CELF5: variants seen among roughly 807,000 people sequenced by gnomAD.
CELF5 encodes CUGBP Elav-like family member 5.
A neutral mutation model predicts 54.9 loss-of-function variants in CELF5; 6 were observed. That is an observed-to-expected ratio of 0.11 (90% CI 0.06 to 0.22). The LOEUF (loss-of-function observed/expected upper bound fraction) is 0.22, where lower values mean the gene tolerates loss of function less well. CELF5 is among the 10% of genes least tolerant of loss of function. The pLI is 1.00. For synonymous variants in CELF5, 271 were observed against 290.9 expected (o/e 0.93, Z 0.70); for missense variants, 401 against 678.6 (o/e 0.59, Z 4.54).
intron 2 of CELF5, among the ~76,000 whole-genome samples, chr19:3,262,532 G>C (rs1022141658): frequency 4.6e-5 from 7 of 152,154 alleles, no homozygotes; most frequent in African/African-American, 1.7e-4. Context: ...TTCTAGACCA[G>C]AGAGGTCAAT....
intron 1 of CELF5, among the ~76,000 whole-genome samples, chr19:3,226,538 C>T (rs1156750277): frequency 6.6e-6 from 1 of 151,514 alleles, no homozygotes; most frequent in African/African-American, 2.4e-5. Flanking sequence ...GGCTCCCATG[C>T]GGCCCCCATA....
rs1452673224 is a variant in CELF5 at position 3,268,804 on chromosome 19, A to G, written c.343-5068A>G. Among the ~76,000 whole-genome samples the G allele has an allele frequency of 2.0e-5, 3 of 151,502 alleles. No homozygotes were observed. Among genetic ancestry groups the G allele is most frequent in the African/African-American group, 7.3e-5 (3 of 41,120 alleles). On this transcript the variant is annotated intron_variant, in intron 2 of 12. Transcript: ENST00000292672. The surrounding 1 kb of genome is among the most constrained non-coding windows in gnomAD (Gnocchi z 4.4). ...TGGGCAAGACAATGGAAGCAGATGG[A>G]GAGAGAGCACGGAAGACTTCAGGGA...
At chr19:3,280,200 G>A (rs576254206) in intron 5 of CELF5, among the ~76,000 whole-genome samples, 2 of 152,178 alleles carry the variant, frequency 1.3e-5, no homozygotes, top group East Asian at 1.9e-4. Context: ...GCAAAGCAGG[G>A]CCCCCAGTCC....
rs753745450 is a variant in CELF5, at chr19:3,281,030, G to C, written c.604-169G>C. Among the ~76,000 whole-genome samples the C allele has an allele frequency of 4.6e-5, 7 of 152,294 alleles. No homozygotes were observed. Among genetic ancestry groups the C allele is most frequent in the Middle Eastern group, 6.8e-3 (2 of 294 alleles). Reference sequence around the variant, plus strand: ...GGGCCCAGGATGCTGATCTCCACGCGGTCCTCGCTGTGGCCCTGGCTCCTG... The same window carrying C: ...GGGCCCAGGATGCTGATCTCCACGCCGTCCTCGCTGTGGCCCTGGCTCCTG... On this transcript the variant is annotated intron_variant, in intron 5 of 12. Transcript: ENST00000292672. The surrounding 1 kb of genome is among the most constrained non-coding windows in gnomAD (Gnocchi z 6.5).
intron 4 of CELF5, among the ~76,000 whole-genome samples, chr19:3,277,363 C>T (rs2080073194): frequency 6.6e-6 from 1 of 152,026 alleles, no homozygotes; most frequent in Non-Finnish European, 1.5e-5. Flanking sequence ...ATCCCAACTA[C>T]TCGGGAGGTT....
At chr19:3,247,995 C>T (rs2079591339) in intron 1 of CELF5, among the ~76,000 whole-genome samples, 1 of 151,730 alleles carries the variant, frequency 6.6e-6, no homozygotes, top group Non-Finnish European at 1.5e-5. Flanking sequence ...GAACTCCTGA[C>T]CTCAGATGAT....
At chr19:3,241,021 G>A (rs1423241226) in intron 1 of CELF5, among the ~76,000 whole-genome samples, 1 of 151,908 alleles carries the variant, frequency 6.6e-6, no homozygotes, top group Non-Finnish European at 1.5e-5. Flanking sequence ...TGGGTCTCGA[G>A]AGATTTGTGT....
chr19:3,263,715 G>A (rs1020015722), intron 2 of CELF5, among the ~76,000 whole-genome samples: 17 of 152,100 alleles, frequency 1.1e-4, no homozygotes, highest in Admixed American at 9.2e-4. Context: ...GACCAGCCTG[G>A]CCAACATAGT....
intron 2 of CELF5, among the ~76,000 whole-genome samples, chr19:3,257,508 T>C (rs974669194): frequency 6.6e-6 from 1 of 151,878 alleles, no homozygotes; most frequent in Admixed American, 6.6e-5. Context: ...CGAGTTTCAC[T>C]CTTGTTGCCC....
intron 1 of CELF5, among the ~76,000 whole-genome samples, chr19:3,236,077 C>T (rs926783401): frequency 2.6e-5 from 4 of 152,132 alleles, no homozygotes; most frequent in African/African-American, 9.7e-5. Flanking sequence ...TGAGGAGCCA[C>T]AGCCAGCAGG....
At chr19:3,262,721 G>T (rs1021694883) in intron 2 of CELF5, among the ~76,000 whole-genome samples, 19 of 151,060 alleles carry the variant, frequency 1.3e-4, no homozygotes, top group Admixed American at 3.3e-4. Flanking sequence ...GAGGCCGAGG[G>T]GGGTGGATCA....
At chr19:3,226,079 G>T (rs1475824870) in intron 1 of CELF5, among the ~76,000 whole-genome samples, 2 of 151,574 alleles carry the variant, frequency 1.3e-5, no homozygotes, top group Non-Finnish European at 2.9e-5. Flanking sequence ...CCGGTCAGGT[G>T]TTGGGGACTG....
intron 1 of CELF5, among the ~76,000 whole-genome samples, chr19:3,238,023 T>C (rs530556257): frequency 3.0e-4 from 45 of 151,130 alleles, no homozygotes; most frequent in Admixed American, 2.2e-3. Flanking sequence ...CACTCCAGCC[T>C]GGGTGAAAGA....
intron 12 of CELF5, chr19:3,293,716 C>T: frequency 2.3e-6 from 1 of 440,080 alleles, no homozygotes. Flanking sequence ...CTGAGGTGAG[C>T]CAGGGCCCAG....
intron 2 of CELF5, 90 bp from the exon 3 acceptor site, chr19:3,273,782 C>G: frequency 2.2e-6 from 2 of 899,674 alleles, no homozygotes; most frequent in Non-Finnish European, 3.6e-6. Flanking sequence ...GGGAGGTGGG[C>G]AGGGCTGGCC....
At chr19:3,237,347 A>C (rs1449066587) in intron 1 of CELF5, among the ~76,000 whole-genome samples, 2 of 151,592 alleles carry the variant, frequency 1.3e-5, no homozygotes, top group Non-Finnish European at 2.9e-5. Context: ...GGAAAGTAAT[A>C]AAGAATAGCT....
rs188179674 is a variant in CELF5, at chr19:3,268,578, G to T, written c.343-5294G>T. ...CATGCTCTTGGCTGATGGGGATGGA[G>T]CCTGGGTTTTGCTTTCCGAGGAGTC... On this transcript the variant is annotated intron_variant, in intron 2 of 12. Coordinates refer to ENST00000292672, the MANE Select transcript of CELF5 (RefSeq NM_021938.4). This position sits in a 1 kb window ranked among gnomAD's most constrained non-coding sequence, Gnocchi z 4.4. 3.1e-4 allele frequency among the ~76,000 whole-genome samples: 47 copies of T among 152,226 alleles called. No individual in the cohort carries two copies. Among genetic ancestry groups the T allele is most frequent in the African/African-American group, 1.1e-3 (44 of 41,532 alleles).
intron 1 of CELF5, among the ~76,000 whole-genome samples, chr19:3,236,353 T>C (rs1009381529): frequency 4.6e-5 from 7 of 152,110 alleles, no homozygotes; most frequent in Non-Finnish European, 1.0e-4. Flanking sequence ...TGTGGCCTCG[T>C]GGTTCCCATT....
intron 11 of CELF5, among the ~76,000 whole-genome samples, chr19:3,291,838 A>G (rs1268678849): frequency 1.3e-5 from 2 of 152,178 alleles, no homozygotes; most frequent in African/African-American, 4.8e-5. Context: ...CTTGTACCCA[A>G]AGACAGAGGA....
Sources: allele counts gnomAD v4.1 joint callset (sites outside exome capture counted in the v4.1 genomes callset), GRCh38; gene constraint gnomAD v4.1.1; non-coding constraint Gnocchi (gnomAD v3.1); transcripts MANE v1.5; gene names NCBI Gene and HGNC (gene_info 2026-07-23, HGNC 2026-07-21).